The following CFAP61 variants were observed in gnomAD, a reference collection of about 807,000 sequenced individuals.
CFAP61 encodes cilia- and flagella-associated protein 61.
Under a neutral mutation model 135.6 loss-of-function variants are expected in CFAP61, and 107 were observed. The observed-to-expected ratio is 0.79, with a 90% confidence interval of 0.67 to 0.93. CFAP61 has a LOEUF of 0.93. Ranked by LOEUF, CFAP61 falls within the 40% of genes least tolerant of loss-of-function variation. CFAP61 has a pLI of 0.00. For synonymous variants in CFAP61, 575 were observed against 578.5 expected, an observed-to-expected ratio of 0.99 and a Z score of 0.09; for missense variants, 1,507 against 1,556.2, an observed-to-expected ratio of 0.97 and a Z score of 0.53.
intron 21 of CFAP61, chr20:20,267,495 A>G (rs1414295687): frequency 6.6e-6 from 1 of 152,628 alleles, no homozygotes; most frequent in African/African-American, 2.4e-5. Flanking sequence ...ATGGCTTACC[A>G]TGGATGGCAG....
chr20:20,173,516 G>A (rs952642908), intron 13 of CFAP61, among the ~76,000 whole-genome samples: 1 of 152,166 alleles, frequency 6.6e-6, no homozygotes, highest in African/African-American at 2.4e-5. Context: ...ATGACATGTG[G>A]TGTTGAGCAT....
intron 22 of CFAP61, among the ~76,000 whole-genome samples, chr20:20,279,518 G>C (rs993478748): frequency 2.0e-5 from 3 of 152,100 alleles, no homozygotes; most frequent in African/African-American, 7.2e-5. Context: ...TCATCATAAA[G>C]ATCTTCGTCC....
At chr20:20,237,041 A>T in intron 18 of CFAP61, among the ~76,000 whole-genome samples, 1 of 152,204 alleles carries the variant, frequency 6.6e-6, no homozygotes, top group East Asian at 1.9e-4. Context: ...GTTTTGCCAG[A>T]ACTCCCAAAT....
chr20:20,320,392 ATAATATATGTAATATATG>A (rs1296381906), intron 25 of CFAP61, among the ~76,000 whole-genome samples: 6 of 5,064 alleles, frequency 1.2e-3, no homozygotes, highest in Non-Finnish European at 2.5e-3. Context: ...TGTAATATAT[ATAATATATGTAATATATG>A]TAATATATAT....
chr20:20,280,722 C>G (rs1194920333), intron 22 of CFAP61, among the ~76,000 whole-genome samples: 2 of 152,122 alleles, frequency 1.3e-5, no homozygotes, highest in Admixed American at 1.3e-4. Context: ...ATTTTTATTT[C>G]TCTTAGCTAT....
At chr20:20,196,804 C>A (rs1448469523) in intron 16 of CFAP61, 28 bp downstream of exon 16, 1 of 1,584,858 alleles carries the variant, frequency 6.3e-7, no homozygotes. Flanking sequence ...TTCACTTTCC[C>A]AGCAGGTCAA....
chr20:20,091,508 TC>T (rs1458247489), intron 7 of CFAP61, among the ~76,000 whole-genome samples: 114 of 1,910 alleles, frequency 0.06, no homozygotes, highest in South Asian at 0.1. Flanking sequence ...TCTTGCTGGC[TC>T]TCTCTCTCTC....
chr20:20,184,794 T>A (rs2055383768), intron 13 of CFAP61, among the ~76,000 whole-genome samples: 1 of 152,116 alleles, frequency 6.6e-6, no homozygotes, highest in Non-Finnish European at 1.5e-5. Context: ...AGATAGGAAC[T>A]TCTGATGACA....
chr20:20,360,284 C>A lies in CFAP61; in HGVS notation c.3588C>A (p.Pro1196=). ...EDEEINPTEK[P]RQYLKRVFEE... The stretch of plus-strand genomic sequence containing the variant: ...AGGAAATCAACCCGACTGAGAAGCC[C>A]AGGCAATACCTCAAAAGAGTTTTTG... The change falls in exon 27 of 27, where the codon CCC becomes CCA. Residue 1196 remains proline, a synonymous_variant. Coordinates refer to ENST00000245957, the MANE Select transcript of CFAP61 (RefSeq NM_015585.4). The A allele has an allele frequency of 6.2e-7, 1 of 1,613,906 alleles. No individual in the cohort carries two copies. Among genetic ancestry groups the A allele is most frequent in the South Asian group, 1.1e-5 (1 of 91,074 alleles).
intron 8 of CFAP61, among the ~76,000 whole-genome samples, chr20:20,113,086 G>A (rs1262367538): frequency 6.6e-6 from 1 of 152,092 alleles, no homozygotes; most frequent in East Asian, 1.9e-4. Flanking sequence ...GCCTCATATA[G>A]GATCAGTTTC....
At chr20:20,190,296 T>A (rs76537868) in intron 14 of CFAP61, among the ~76,000 whole-genome samples, 1 of 152,200 alleles carries the variant, frequency 6.6e-6, no homozygotes, top group South Asian at 2.1e-4. Flanking sequence ...GAACTCTTGA[T>A]ACATGCCTTG....
chr20:20,142,258 C>T (rs944549976), intron 8 of CFAP61, among the ~76,000 whole-genome samples: 4 of 152,162 alleles, frequency 2.6e-5, no homozygotes, highest in African/African-American at 9.7e-5. Flanking sequence ...ATGCTCAGCT[C>T]CAGTTCTTCT....
intron 8 of CFAP61, among the ~76,000 whole-genome samples, chr20:20,140,162 T>C (rs1243484191): frequency 6.8e-6 from 1 of 147,212 alleles, no homozygotes; most frequent in Non-Finnish European, 1.5e-5. Flanking sequence ...TAGTGCTGTC[T>C]TGTTGCATTT....
At chr20:20,115,002 T>C (rs1447249660) in intron 8 of CFAP61, among the ~76,000 whole-genome samples, 1 of 152,240 alleles carries the variant, frequency 6.6e-6, no homozygotes, top group Admixed American at 6.5e-5. Flanking sequence ...GATTCTTCTC[T>C]ATTCTGTTGA....
intron 1 of CFAP61, 106 bp downstream of exon 1, chr20:20,052,697 G>C: frequency 6.2e-7 from 1 of 1,612,118 alleles, no homozygotes; most frequent in African/African-American, 1.3e-5. Flanking sequence ...AGGCGAGGAC[G>C]AGTGGCTCTG....
chr20:20,095,273 G>A (rs1055065047), intron 7 of CFAP61, among the ~76,000 whole-genome samples: 2 of 152,076 alleles, frequency 1.3e-5, no homozygotes, highest in Non-Finnish European at 2.9e-5. Flanking sequence ...CTCAGAAATC[G>A]GCAAATGCTA....
intron 2 of CFAP61, chr20:20,069,920 G>C (rs2045587186): frequency 3.6e-6 from 1 of 276,254 alleles, no homozygotes; most frequent in Non-Finnish European, 7.4e-6. Context: ...TGCCTTCTTT[G>C]TGTTTTGAGT....
At chr20:20,147,799 G>A (rs1337122491) in intron 9 of CFAP61, among the ~76,000 whole-genome samples, 1 of 151,960 alleles carries the variant, frequency 6.6e-6, no homozygotes, top group African/African-American at 2.4e-5. Flanking sequence ...TTTGCTTTTG[G>A]GGTCTTAGTC....
intron 6 of CFAP61, among the ~76,000 whole-genome samples, chr20:20,082,114 C>T (rs1162892749): frequency 6.6e-6 from 1 of 152,216 alleles, no homozygotes. Flanking sequence ...CTTTACAGAA[C>T]ATCAAATGGG....
Sources: allele counts gnomAD v4.1 joint callset (sites outside exome capture counted in the v4.1 genomes callset), GRCh38; gene constraint gnomAD v4.1.1; transcripts MANE v1.5; gene names NCBI Gene and HGNC (gene_info 2026-07-23, HGNC 2026-07-21).